KCNC1: variants seen among roughly 807,000 people sequenced by gnomAD.
KCNC1 encodes the protein voltage-gated potassium channel KCNC1.
A neutral mutation model predicts 43.4 loss-of-function variants in KCNC1; 8 were observed. The ratio of observed to expected loss-of-function variants is 0.18; its 90% confidence interval spans 0.11 to 0.33. The LOEUF (loss-of-function observed/expected upper bound fraction) is 0.33, where lower values mean the gene tolerates loss of function less well. Ranked by LOEUF, KCNC1 falls within the 10% of genes least tolerant of loss-of-function variation. KCNC1 has a pLI of 1.00. For synonymous variants in KCNC1, 361 were observed against 360.5 expected, an observed-to-expected ratio of 1.00 and a Z score of -0.01; for missense variants, 420 against 836.0, an observed-to-expected ratio of 0.50 and a Z score of 6.14.
At chr11:17,741,024 C>T (rs758259558) in intron 1 of KCNC1, among the ~76,000 whole-genome samples, 29 of 151,958 alleles carry the variant, frequency 1.9e-4, no homozygotes, top group African/African-American at 5.3e-4. Context: ...CCCCTTGCCT[C>T]GGAGCCCACT....
Position 17,772,849 on chromosome 11 carries a change from T to C in KCNC1, c.1504+251T>C, listed in dbSNP as rs1432537735. 33 of 1,358,160 alleles carry C rather than the reference T, an allele frequency of 2.4e-5. No individual in the cohort carries two copies. The East Asian group carries it at 2.8e-4, about 11-fold the overall frequency. 84.1% of individuals were successfully genotyped at this position (1,358,160 alleles called of 1,614,324 possible). ...TGACGCGGTTGGTCTCGTGATGTTC[T>C]GAAGAGACAACGCGGCCCGCCAGGT... On this transcript the variant is annotated intron_variant, in intron 2 of 3. Transcript: ENST00000265969.
rs915600389 is a variant in KCNC1 at position 17,772,357 on chromosome 11, G to T, written c.1263G>T (p.Ala421=). 2.5e-6 allele frequency: 4 copies of T among 1,614,126 alleles called. No homozygotes were observed. The highest frequency in any genetic ancestry group is 3.4e-6 in the Non-Finnish European group (4 of 1,180,028). Residue 421 remains alanine, a synonymous_variant, in exon 2 of 4, where the codon GCG becomes GCT. Transcript: ENST00000265969. The part of the protein sequence containing the change: ...WSGMLVGALC[A]LAGVLTIAMP... Reference sequence around the variant, plus strand: ...GCATGCTGGTGGGGGCTCTGTGTGCGCTGGCGGGCGTGCTCACCATCGCCA... The same window carrying T: ...GCATGCTGGTGGGGGCTCTGTGTGCTCTGGCGGGCGTGCTCACCATCGCCA...
chr11:17,752,086 T>A (rs1848975901), intron 1 of KCNC1, among the ~76,000 whole-genome samples: 2 of 152,194 alleles, frequency 1.3e-5, no homozygotes, highest in Non-Finnish European at 2.9e-5. Context: ...GTGTTAGCCA[T>A]GAACTCCAAG....
At chr11:17,775,158 G>C (rs1231801418) in intron 2 of KCNC1, 3 of 985,464 alleles carry the variant, frequency 3.0e-6, no homozygotes, top group South Asian at 4.7e-5. Flanking sequence ...GCCCCCCAAG[G>C]CCTTTCCAGT....
intron 1 of KCNC1, among the ~76,000 whole-genome samples, chr11:17,766,189 G>T (rs1198736744): frequency 1.3e-5 from 2 of 152,256 alleles, no homozygotes; most frequent in Admixed American, 1.3e-4. Context: ...CACGAGTGGT[G>T]CGTGTGTGCG....
At chr11:17,767,538 G>C (rs1849168200) in intron 1 of KCNC1, among the ~76,000 whole-genome samples, 1 of 152,150 alleles carries the variant, frequency 6.6e-6, no homozygotes, top group Admixed American at 6.5e-5. Flanking sequence ...GGACACAAGG[G>C]ACCTGGGGCT....
chr11:17,749,643 C>A (rs1019369360), intron 1 of KCNC1, among the ~76,000 whole-genome samples: 1 of 152,346 alleles, frequency 6.6e-6, no homozygotes, highest in Admixed American at 6.5e-5. Context: ...AACACGGCCA[C>A]CTGCTGGGCC....
At chr11:17,772,676 A>T in intron 2 of KCNC1, 78 bp downstream of exon 2, 1 of 1,556,958 alleles carries the variant, frequency 6.4e-7, no homozygotes, top group Non-Finnish European at 8.7e-7. Flanking sequence ...ATCCAGTCAG[A>T]CTGCTTCCTT....
chr11:17,774,166 C>T, intron 2 of KCNC1: 2 of 985,570 alleles, frequency 2.0e-6, no homozygotes, highest in Non-Finnish European at 2.4e-6. Flanking sequence ...CTGAGAGGAA[C>T]ATGGCCAGGG....
rs1447254488 is a variant in KCNC1 at position 17,767,295 on chromosome 11, AAAAAAG to A, written c.571-4365_571-4360del. 1.1e-3 allele frequency among the ~76,000 whole-genome samples: 167 copies of A among 151,090 alleles called. 2 individuals are homozygous for A. The highest frequency in any genetic ancestry group is 4.0e-3 in the South Asian group (19 of 4,800). ...GCAAGACTCCGTCTCAAAAAAAAAA[AAAAAAG>A]AAAAGAAAAGAAAAGAAAAGAAAGA... On this transcript the variant is annotated intron_variant, in intron 1 of 3. Coordinates refer to ENST00000265969, the MANE Select transcript of KCNC1 (RefSeq NM_001112741.2).
chr11:17,772,509 G>A lies in KCNC1; in HGVS notation c.1415G>A (p.Cys472Tyr). ...CCGCAGCTGGGATCTCCCAATTATTGTAAATCTGTCGTAAACTCTCCACAC... is the reference window on the plus strand; with the variant it reads ...CCGCAGCTGGGATCTCCCAATTATTATAAATCTGTCGTAAACTCTCCACAC... ...RPPQLGSPNYCKSVVNSPHHS... is the reference protein window; with the variant it reads ...RPPQLGSPNYYKSVVNSPHHS... Residue 472 changes from cysteine to tyrosine, a missense_variant, in exon 2 of 4, where the codon TGT becomes TAT. Physicochemically the swap from Cys to Tyr is radical, Grantham distance 194 (BLOSUM62 -2). Around this residue, in one of 5 missense-constraint regions of KCNC1, gnomAD observed 147 missense variants for 176.1 expected, o/e 0.83. Coordinates refer to ENST00000265969, the MANE Select transcript of KCNC1 (RefSeq NM_001112741.2). The A allele has an allele frequency of 6.2e-7, 1 of 1,614,212 alleles. No individual in the cohort carries two copies. The highest frequency in any genetic ancestry group is 8.5e-7 in the Non-Finnish European group (1 of 1,180,036).
chr11:17,760,118 A>G (rs1393720560), intron 1 of KCNC1, among the ~76,000 whole-genome samples: 2 of 148,962 alleles, frequency 1.3e-5, no homozygotes. Flanking sequence ...CCTACCACAG[A>G]ACCCTTAAAA....
At position 17,777,771 on chromosome 11, in the gene KCNC1, T is replaced by C; in HGVS notation, c.1505-1685T>C. On this transcript the variant is annotated intron_variant, in intron 2 of 3. Coordinates refer to ENST00000265969, the MANE Select transcript of KCNC1 (RefSeq NM_001112741.2). This position sits in a 1 kb window ranked among gnomAD's most constrained non-coding sequence, Gnocchi z 4.3. ...ACTTTTTTTTTAAGTTCCAAAATTA[T>C]GATGGGATTTTTTTGGATTTGCTTT... 1.0e-6 allele frequency: 1 copy of C among 986,372 alleles called. No individual in the cohort carries two copies. The highest frequency in any genetic ancestry group is 1.2e-6 in the Non-Finnish European group (1 of 830,044). 61.1% of individuals were successfully genotyped at this position (986,372 alleles called of 1,614,324 possible).
chr11:17,767,107 G>A (rs538784108), intron 1 of KCNC1, among the ~76,000 whole-genome samples: 10 of 148,634 alleles, frequency 6.7e-5, no homozygotes, highest in Non-Finnish European at 4.4e-5. Flanking sequence ...ACTCCAGCCT[G>A]AGCAACAGAA....
Position 17,773,996 on chromosome 11 carries a change from G to A in KCNC1, c.1504+1398G>A, listed in dbSNP as rs754822564. On this transcript the variant is annotated intron_variant, in intron 2 of 3. Transcript: ENST00000265969. This position sits in a 1 kb window ranked among gnomAD's most constrained non-coding sequence, Gnocchi z 4.1. ...GATTGATTTTCTTCCCTGCTATCGCGCTCTCTGACCCACCACCCCATCCCA... is the reference window on the plus strand; with the variant it reads ...GATTGATTTTCTTCCCTGCTATCGCACTCTCTGACCCACCACCCCATCCCA... 24 of 985,342 alleles carry A rather than the reference G, an allele frequency of 2.4e-5. No homozygotes were observed. The highest frequency in any genetic ancestry group is 1.2e-4 in the Admixed American group (2 of 16,256). The allele number at this position is 985,342 out of a possible 1,614,324, so 61.0% of individuals were successfully genotyped here.
intron 1 of KCNC1, among the ~76,000 whole-genome samples, chr11:17,763,156 C>G (rs1283487386): frequency 7.2e-5 from 11 of 152,232 alleles, no homozygotes; most frequent in Admixed American, 3.3e-4. Flanking sequence ...CTTTGGACGT[C>G]TGCGCCGGGA....
rs1416394929 is a variant in KCNC1 at position 17,781,599 on chromosome 11, A to G, written c.1694-71A>G. On this transcript the variant is annotated intron_variant, in intron 3 of 3. Transcript: ENST00000265969. The surrounding 1 kb of genome is among the most constrained non-coding windows in gnomAD (Gnocchi z 5.1). The stretch of plus-strand genomic sequence containing the variant: ...TCTGTCTTTCCTCCTCCTTCTTAAA[A>G]ACTAAGTACCAAGCGGGATGGGAGA... 8.3e-6 allele frequency: 9 copies of G among 1,079,058 alleles called. No individual in the cohort carries two copies. Among genetic ancestry groups the G allele is most frequent in the Non-Finnish European group, 1.2e-5 (9 of 723,270 alleles). 66.8% of individuals were successfully genotyped at this position (1,079,058 alleles called of 1,614,324 possible). A position where few individuals can be genotyped will look rare whatever the true frequency, so the allele number is the denominator to read the frequency against.
chr11:17,748,811 C>T (rs1386088868), intron 1 of KCNC1, among the ~76,000 whole-genome samples: 1 of 152,066 alleles, frequency 6.6e-6, no homozygotes, highest in Non-Finnish European at 1.5e-5. Flanking sequence ...GGTGGGCCTG[C>T]GTGGAGGGGG....
chr11:17,747,587 G>A (rs1383690527), intron 1 of KCNC1, among the ~76,000 whole-genome samples: 11 of 152,190 alleles, frequency 7.2e-5, no homozygotes, highest in Admixed American at 4.6e-4. Context: ...CCCATGGGCG[G>A]TGCCCACTCT....
Sources: gnomAD v4.1 joint callset for allele counts (sites outside exome capture counted in the v4.1 genomes callset) on GRCh38, gnomAD v4.1.1 for gene constraint, gnomAD v4.1.1 regional missense constraint, Gnocchi (gnomAD v3.1) non-coding constraint, MANE v1.5 for transcripts, NCBI Gene and HGNC (gene_info 2026-07-23, HGNC 2026-07-21) for gene names.